BRD10: variants seen among roughly 807,000 people sequenced by gnomAD.
BRD10 encodes the protein uncharacterized bromodomain-containing protein 10.
chr9:5,889,396 A>G, the BRD10 span, among the ~76,000 whole-genome samples: 2 of 152,240 alleles, frequency 1.3e-5, no homozygotes, highest in Non-Finnish European at 2.9e-5. Context: ...AGTTCATCGA[A>G]TCTTGAAGCA....
chr9:5,985,034 CA>C, the BRD10 span, among the ~76,000 whole-genome samples: 1 of 151,358 alleles, frequency 6.6e-6, no homozygotes, highest in South Asian at 2.1e-4. Flanking sequence ...TTAATCAAAT[CA>C]ATATAGTGCT....
chr9:5,960,279 T>C, the BRD10 span, among the ~76,000 whole-genome samples: 1 of 152,262 alleles, frequency 6.6e-6, no homozygotes, highest in Admixed American at 6.5e-5. Flanking sequence ...TAATAACTAC[T>C]GGCCGGGCGT....
the BRD10 span, among the ~76,000 whole-genome samples, chr9:5,992,091 A>C: frequency 6.6e-6 from 1 of 152,190 alleles, no homozygotes; most frequent in Non-Finnish European, 1.5e-5. Flanking sequence ...TTATTTAATA[A>C]ACGATACCCT....
At chr9:5,966,049 G>A in the BRD10 span, among the ~76,000 whole-genome samples, 2 of 152,188 alleles carry the variant, frequency 1.3e-5, no homozygotes, top group Non-Finnish European at 2.9e-5. Flanking sequence ...GCATCTACCA[G>A]ATCCAAACAT....
the BRD10 span, among the ~76,000 whole-genome samples, chr9:5,994,524 T>A: frequency 6.6e-6 from 1 of 152,238 alleles, no homozygotes; most frequent in East Asian, 1.9e-4. Flanking sequence ...TTATTCCCCC[T>A]GAATTTCTTT....
the BRD10 span, chr9:5,924,604 A>G: frequency 3.5e-6 from 4 of 1,147,978 alleles, no homozygotes; most frequent in Admixed American, 2.7e-5. Flanking sequence ...ACAGCAAACA[A>G]AAACTTCTCT....
chr9:5,922,021 T>C, the BRD10 span: 43 of 1,613,898 alleles, frequency 2.7e-5, no homozygotes, highest in Admixed American at 1.2e-4. Flanking sequence ...AAGTTGTTGA[T>C]TTTGGCACCA....
At chr9:5,961,486 A>G in the BRD10 span, among the ~76,000 whole-genome samples, 13 of 152,104 alleles carry the variant, frequency 8.5e-5, no homozygotes. Flanking sequence ...TTTTACTCTT[A>G]AATAATTATT....
chr9:5,969,238 A>G, the BRD10 span: 1 of 1,613,822 alleles, frequency 6.2e-7, no homozygotes, highest in African/African-American at 1.3e-5. Flanking sequence ...GCATCAGAAG[A>G]CAACGTTCCA....
the BRD10 span, among the ~76,000 whole-genome samples, chr9:5,914,928 GAATAAC>G: frequency 2.0e-5 from 3 of 152,072 alleles, no homozygotes; most frequent in African/African-American, 7.2e-5. Flanking sequence ...CAAAAAATGT[GAATAAC>G]AATATGTACC....
chr9:5,986,287 T>G, the BRD10 span, among the ~76,000 whole-genome samples: 1 of 152,248 alleles, frequency 6.6e-6, no homozygotes, highest in African/African-American at 2.4e-5. Context: ...TCCATGTCCC[T>G]GCAAATGACA....
chr9:5,936,905 A>G, the BRD10 span, among the ~76,000 whole-genome samples: 1 of 152,174 alleles, frequency 6.6e-6, no homozygotes, highest in African/African-American at 2.4e-5. Context: ...TAAATTACTT[A>G]TATTTGAATA....
At chr9:5,905,853 AGACTATTCTCCCGGCCAT>A in the BRD10 span, among the ~76,000 whole-genome samples, 1 of 152,240 alleles carries the variant, frequency 6.6e-6, no homozygotes, top group South Asian at 2.1e-4. Context: ...GGACCTCTTG[AGACTATTCTCCCGGCCAT>A]GGTCATTCAT....
At chr9:5,943,611 A>G in the BRD10 span, among the ~76,000 whole-genome samples, 1 of 152,084 alleles carries the variant, frequency 6.6e-6, no homozygotes, top group South Asian at 2.1e-4. Flanking sequence ...TATTTGAGGA[A>G]TATATCACAG....
the BRD10 span, chr9:5,906,807 C>G: frequency 3.4e-6 from 3 of 877,800 alleles, no homozygotes; most frequent in South Asian, 5.9e-5. Context: ...ATTCTTAAAA[C>G]TTTGGCTTCC....
chr9:5,934,339 A>G, the BRD10 span, among the ~76,000 whole-genome samples: 33 of 150,956 alleles, frequency 2.2e-4, no homozygotes, highest in African/African-American at 8.0e-4. Flanking sequence ...GGTATTAAAT[A>G]TCAATATATT....
chr9:5,941,746 G>A, the BRD10 span, among the ~76,000 whole-genome samples: 3 of 152,188 alleles, frequency 2.0e-5, no homozygotes, highest in African/African-American at 7.2e-5. Flanking sequence ...ACTTTGTTAT[G>A]TAAACATAAA....
chr9:5,958,772 C>T, the BRD10 span, among the ~76,000 whole-genome samples: 1 of 152,150 alleles, frequency 6.6e-6, no homozygotes, highest in African/African-American at 2.4e-5. Context: ...TAAATGAATA[C>T]TAAGATATTA....
the BRD10 span, among the ~76,000 whole-genome samples, chr9:5,949,214 AAACT>A: frequency 2.0e-5 from 3 of 152,202 alleles, no homozygotes; most frequent in Non-Finnish European, 4.4e-5. Context: ...AAAGCTGATT[AAACT>A]AACAGAGGTA....
Sources: gnomAD v4.1 joint callset for allele counts (sites outside exome capture counted in the v4.1 genomes callset) on GRCh38, gnomAD v4.1.1 for gene constraint, MANE v1.5 for transcripts, NCBI Gene and HGNC (gene_info 2026-07-23, HGNC 2026-07-21) for gene names.